CLVS1: variants seen among roughly 807,000 people sequenced by gnomAD.
The protein encoded by CLVS1 is clavesin 1, also known as clavesin-1.
CLVS1 carries 10 observed loss-of-function variants against 33.1 expected under a neutral mutation model. The observed-to-expected ratio is 0.30, with a 90% CI of 0.19 to 0.51. The LOEUF (loss-of-function observed/expected upper bound fraction) is 0.51. Among genes scored for constraint, CLVS1 ranks in the 20% least tolerant of loss-of-function variants. The pLI is 0.97. For synonymous variants in CLVS1, 163 were observed against 166.1 expected (o/e 0.98, Z 0.14); for missense variants, 343 against 433.4 (o/e 0.79, Z 1.85).
intron 2 of CLVS1, among the ~76,000 whole-genome samples, chr8:61,372,229 G>A (rs1440889438): frequency 1.3e-5 from 2 of 152,090 alleles, no homozygotes; most frequent in Non-Finnish European, 2.9e-5. Flanking sequence ...ATATATAAAT[G>A]TAAATGATTT....
At chr8:61,137,995 C>T (rs1349526350) in intron 2 of CLVS1, among the ~76,000 whole-genome samples, 13 of 152,184 alleles carry the variant, frequency 8.5e-5, no homozygotes, top group Non-Finnish European at 1.8e-4. Context: ...GAGCCAGGTA[C>T]TGTGCTGGTT....
intron 1 of CLVS1, among the ~76,000 whole-genome samples, chr8:61,090,528 T>TA (rs112131305): frequency 0.038 from 5,574 of 147,410 alleles, 375 homozygotes; most frequent in African/African-American, 0.13. Flanking sequence ...TGCTACCCTT[T>TA]AAAAAAAAAA....
At chr8:61,018,927 A>T in the CLVS1 span, among the ~76,000 whole-genome samples, 1 of 152,182 alleles carries the variant, frequency 6.6e-6, no homozygotes, top group Non-Finnish European at 1.5e-5. Context: ...CAAACAGGAA[A>T]TTTCATGCTG....
intron 5 of CLVS1, among the ~76,000 whole-genome samples, chr8:61,494,144 A>G (rs1804191602): frequency 6.6e-6 from 1 of 152,166 alleles, no homozygotes. Flanking sequence ...AACATTTTCC[A>G]TTTTCATCTC....
At chr8:61,136,666 C>T (rs1806195757) in intron 2 of CLVS1, among the ~76,000 whole-genome samples, 1 of 152,106 alleles carries the variant, frequency 6.6e-6, no homozygotes, top group Non-Finnish European at 1.5e-5. Context: ...AAGGGAACAA[C>T]ACACACCGGG....
At chr8:61,351,458 A>T (rs898790866) in intron 2 of CLVS1, among the ~76,000 whole-genome samples, 1 of 152,224 alleles carries the variant, frequency 6.6e-6, no homozygotes, top group African/African-American at 2.4e-5. Flanking sequence ...GGACAATGTC[A>T]TAAGATCCAA....
At chr8:61,169,351 T>G (rs1445573289) in intron 2 of CLVS1, among the ~76,000 whole-genome samples, 2 of 152,142 alleles carry the variant, frequency 1.3e-5, no homozygotes, top group Non-Finnish European at 2.9e-5. Context: ...TTCTAAAAGT[T>G]CCTTTACCTA....
rs58128515 is a variant in CLVS1 at position 61,436,299 on chromosome 8, C to T, written c.631-17842C>T. On this transcript the variant is annotated intron_variant, in intron 3 of 5. Coordinates refer to ENST00000325897, the MANE Select transcript of CLVS1 (RefSeq NM_173519.3). Reference sequence around the variant, plus strand: ...CCACTTCTCTCTGAATACCACATGCCTCTTCAGTTTCTACCTTCCCTTTTA... The same window carrying T: ...CCACTTCTCTCTGAATACCACATGCTTCTTCAGTTTCTACCTTCCCTTTTA... 7.6e-3 allele frequency among the ~76,000 whole-genome samples: 1,157 copies of T among 152,274 alleles called. 18 individuals carry two copies. Among genetic ancestry groups the T allele is most frequent in the African/African-American group, 0.027 (1,112 of 41,566 alleles).
chr8:61,433,028 C>T (rs1040670395), intron 3 of CLVS1, among the ~76,000 whole-genome samples: 14 of 152,160 alleles, frequency 9.2e-5, no homozygotes, highest in Admixed American at 7.2e-4. Context: ...ATCACAGTTC[C>T]CCACAGCCTC....
At chr8:61,342,569 G>C (rs929415022) in intron 2 of CLVS1, among the ~76,000 whole-genome samples, 1 of 152,200 alleles carries the variant, frequency 6.6e-6, no homozygotes, top group Non-Finnish European at 1.5e-5. Flanking sequence ...CTCCGTGCTT[G>C]TGCTGGGCCT....
chr8:61,436,388 C>T (rs987499039), intron 3 of CLVS1, among the ~76,000 whole-genome samples: 4 of 152,160 alleles, frequency 2.6e-5, no homozygotes, highest in Non-Finnish European at 4.4e-5. Context: ...CAGCACATTC[C>T]GGTCAGGCTT....
chr8:60,967,788 G>A, the CLVS1 span: 2 of 437,806 alleles, frequency 4.6e-6, no homozygotes, highest in South Asian at 3.3e-5. Flanking sequence ...TTCCTCTTAT[G>A]AGTACTCAGG....
At chr8:60,978,131 T>A in the CLVS1 span, among the ~76,000 whole-genome samples, 1 of 152,176 alleles carries the variant, frequency 6.6e-6, no homozygotes, top group African/African-American at 2.4e-5. Context: ...CCAGTAGGCC[T>A]GGTACAGAAA....
In CLVS1 at chr8:61,065,766, A is replaced by G. The variant is rs562400829; in HGVS notation, c.-243+8536A>G. On this transcript the variant is annotated intron_variant, in intron 1 of 2. Transcript: ENST00000522621. The stretch of plus-strand genomic sequence containing the variant: ...AATTCTTTGGTGTGGAACACATTGC[A>G]AATAAGGCAGTCTAGTTAGATTGGT... Among the ~76,000 whole-genome samples, 7 of 152,346 alleles carry G rather than the reference A, an allele frequency of 4.6e-5. No individual in the cohort carries two copies. The South Asian group carries it at 1.5e-3, about 32-fold the overall frequency.
At chr8:61,253,609 T>A (rs1809000282) in intron 2 of CLVS1, among the ~76,000 whole-genome samples, 1 of 152,228 alleles carries the variant, frequency 6.6e-6, no homozygotes, top group South Asian at 2.1e-4. Flanking sequence ...TCTTGGAGGC[T>A]TTGTTCATTT....
At chr8:61,043,761 G>A in the CLVS1 span, among the ~76,000 whole-genome samples, 338 of 152,292 alleles carry the variant, frequency 2.2e-3, 3 homozygotes, top group East Asian at 0.011. Flanking sequence ...CTAATGATAG[G>A]TACTCTAGAT....
At chr8:61,185,067 G>C (rs1299370078) in intron 2 of CLVS1, among the ~76,000 whole-genome samples, 2 of 151,574 alleles carry the variant, frequency 1.3e-5, no homozygotes. Context: ...ATCATACTAT[G>C]TATAGATTTG....
intron 2 of CLVS1, among the ~76,000 whole-genome samples, chr8:61,360,098 GTAGTAC>G (rs1392554831): frequency 1.3e-5 from 2 of 152,160 alleles, no homozygotes; most frequent in Non-Finnish European, 2.9e-5. Context: ...GTGGAAGTGG[GTAGTAC>G]TCTGTGCATT....
At chr8:61,388,378 C>T (rs1231404851) in intron 3 of CLVS1, among the ~76,000 whole-genome samples, 1 of 150,268 alleles carries the variant, frequency 6.7e-6, no homozygotes, top group Non-Finnish European at 1.5e-5. Flanking sequence ...ATGACAACAC[C>T]TTGATATCAT....
Sources: allele counts gnomAD v4.1 joint callset (sites outside exome capture counted in the v4.1 genomes callset), GRCh38; gene constraint gnomAD v4.1.1; transcripts MANE v1.5; gene names NCBI Gene and HGNC (gene_info 2026-07-23, HGNC 2026-07-21).